Variants in DLG1 observed in about 807,000 individuals in gnomAD.
DLG1 encodes the protein discs large MAGUK scaffold protein 1, also known as disks large homolog 1.
In DLG1, 42 loss-of-function variants were observed where a neutral mutation model predicts 123.4. The observed-to-expected ratio is 0.34, with a 90% CI of 0.27 to 0.44. The LOEUF (loss-of-function observed/expected upper bound fraction) is 0.44, where lower values mean the gene tolerates loss of function less well. DLG1 is among the 20% of genes least tolerant of loss of function. The pLI is 1.00. For synonymous variants in DLG1, 317 were observed against 356.2 expected (o/e 0.89, Z 1.24); for missense variants, 942 against 1,082.6 (o/e 0.87, Z 1.82).
At chr3:197,066,586 T>A in intron 20 of DLG1, 118 bp downstream of exon 20, 1 of 599,472 alleles carries the variant, frequency 1.7e-6, no homozygotes, top group Non-Finnish European at 2.9e-6. Context: ...TTTCTACATG[T>A]ATATGTAGTA....
At chr3:197,045,783 G>A (rs950850124) in intron 24 of DLG1, among the ~76,000 whole-genome samples, 1 of 152,082 alleles carries the variant, frequency 6.6e-6, no homozygotes, top group Non-Finnish European at 1.5e-5. Context: ...TGAAATAATT[G>A]AGAATTGCAA....
intron 4 of DLG1, among the ~76,000 whole-genome samples, chr3:197,211,183 T>C (rs1439124895): frequency 2.7e-5 from 4 of 146,122 alleles, no homozygotes; most frequent in African/African-American, 9.7e-5. Context: ...ATAAAGGGCA[T>C]TTATGAAAAC....
At chr3:197,096,516 G>C (rs1008960019) in intron 14 of DLG1, among the ~76,000 whole-genome samples, 1 of 152,112 alleles carries the variant, frequency 6.6e-6, no homozygotes, top group South Asian at 2.1e-4. Flanking sequence ...CAGATGTGAG[G>C]TGTAGATTAA....
At chr3:197,130,026 G>C (rs925911778) in intron 11 of DLG1, among the ~76,000 whole-genome samples, 1 of 152,140 alleles carries the variant, frequency 6.6e-6, no homozygotes, top group East Asian at 1.9e-4. Context: ...CATGAAGTGA[G>C]AACATGTTGC....
At chr3:197,107,622 ACTT>A (rs1767314635) in intron 13 of DLG1, among the ~76,000 whole-genome samples, 2 of 151,914 alleles carry the variant, frequency 1.3e-5, no homozygotes, top group Non-Finnish European at 2.9e-5. Context: ...TTAAATTTAT[ACTT>A]AAGTATTTTA....
intron 4 of DLG1, among the ~76,000 whole-genome samples, chr3:197,234,880 T>C (rs1027723655): frequency 3.3e-5 from 5 of 152,112 alleles, no homozygotes; most frequent in Non-Finnish European, 7.4e-5. Flanking sequence ...AAAAGTTATG[T>C]TTTTTAAGGA....
Position 197,245,888 on chromosome 3 carries a change from C to CT in DLG1, c.318+36790dup, listed in dbSNP as rs753433108. On this transcript the variant is annotated intron_variant, in intron 4 of 24. Transcript: ENST00000667157. ...TTGATGTCCTGGGACATGGACAATA[C>CT]TTTTTTTTTTTTGGGGGGGGGGGAG... 1.0e-3 allele frequency among the ~76,000 whole-genome samples: 65 copies of CT among 63,404 alleles called. 2 individuals carry two copies. Among genetic ancestry groups the CT allele is most frequent in the African/African-American group, 2.6e-3 (41 of 15,928 alleles). The allele number at this position is 63,404 out of a possible 152,430, so 41.6% of individuals were successfully genotyped here. A position where few individuals can be genotyped will look rare whatever the true frequency, so the allele number is the denominator to read the frequency against.
In DLG1 at chr3:197,138,396, G is replaced by C; in HGVS notation, c.714-5C>G. 2 of 1,334,946 alleles carry C rather than the reference G, an allele frequency of 1.5e-6. No individual in the cohort carries two copies. Among genetic ancestry groups the C allele is most frequent in the Non-Finnish European group, 1.9e-6 (2 of 1,026,674 alleles). 82.7% of individuals were successfully genotyped at this position (1,334,946 alleles called of 1,614,324 possible). On this transcript the variant is annotated splice_polypyrimidine_tract_variant and splice_region_variant and intron_variant, in intron 8 of 24. Coordinates refer to ENST00000667157, the MANE Select transcript of DLG1 (RefSeq NM_001366207.1). ...CGTAATATACAGTCATTGACCCTGA[G>C]AAAACAATTAAATATTAAAAATAAA...
At chr3:197,226,155 G>A (rs1461023583) in intron 4 of DLG1, 2 of 152,122 alleles carry the variant, frequency 1.3e-5, no homozygotes, top group Non-Finnish European at 2.9e-5. Context: ...ACTATGATTG[G>A]AATTAAAATG....
At chr3:197,274,754 G>T (rs1185507057) in intron 4 of DLG1, among the ~76,000 whole-genome samples, 1 of 151,980 alleles carries the variant, frequency 6.6e-6, no homozygotes, top group African/African-American at 2.4e-5. Context: ...AATATATAAG[G>T]AGCAACAAAA....
At chr3:197,050,702 A>G (rs1726981166) in intron 24 of DLG1, among the ~76,000 whole-genome samples, 1 of 152,232 alleles carries the variant, frequency 6.6e-6, no homozygotes, top group Admixed American at 6.5e-5. Context: ...GAAAGGGCAC[A>G]AACTTTCAGT....
At chr3:197,068,783 G>C (rs1272577332) in intron 19 of DLG1, among the ~76,000 whole-genome samples, 1 of 152,018 alleles carries the variant, frequency 6.6e-6, no homozygotes. Flanking sequence ...CCAAGTGCTG[G>C]TGATAAACAA....
intron 11 of DLG1, among the ~76,000 whole-genome samples, chr3:197,121,535 G>A (rs932258231): frequency 6.6e-6 from 1 of 152,112 alleles, no homozygotes; most frequent in Admixed American, 6.5e-5. Context: ...ACATTTTAAT[G>A]TCGGCAGAGA....
chr3:197,207,085 C>T (rs1025976174), intron 4 of DLG1, among the ~76,000 whole-genome samples: 19 of 152,148 alleles, frequency 1.2e-4, no homozygotes, highest in Admixed American at 9.8e-4. Context: ...CTCTGTGATG[C>T]GGTGGCGGAG....
intron 3 of DLG1, among the ~76,000 whole-genome samples, chr3:197,292,279 A>G (rs1383311397): frequency 6.6e-6 from 1 of 152,244 alleles, no homozygotes; most frequent in Non-Finnish European, 1.5e-5. Context: ...AATATTATTC[A>G]GCCTGAAAAA....
chr3:197,206,036 C>T (rs569375718), intron 4 of DLG1, among the ~76,000 whole-genome samples: 65 of 152,174 alleles, frequency 4.3e-4, no homozygotes, highest in Non-Finnish European at 6.5e-4. Context: ...TTATTAAAAA[C>T]CTTATTTCCA....
intron 3 of DLG1, among the ~76,000 whole-genome samples, chr3:197,283,167 T>C (rs1770205302): frequency 6.6e-6 from 1 of 152,198 alleles, no homozygotes; most frequent in African/African-American, 2.4e-5. Flanking sequence ...GCACTGTGAA[T>C]TGTTTCAAGG....
intron 11 of DLG1, among the ~76,000 whole-genome samples, chr3:197,122,543 G>A (rs1328302443): frequency 6.6e-6 from 1 of 152,056 alleles, no homozygotes; most frequent in Non-Finnish European, 1.5e-5. Flanking sequence ...GGTTATATAC[G>A]TAGACGATCT....
intron 24 of DLG1, among the ~76,000 whole-genome samples, chr3:197,047,087 C>A (rs1042126844): frequency 1.1e-4 from 17 of 152,058 alleles, no homozygotes; most frequent in African/African-American, 3.9e-4. Context: ...ACAGAAAAAC[C>A]ATTTTTTTCC....
Sources: gnomAD v4.1 joint callset for allele counts (sites outside exome capture counted in the v4.1 genomes callset) on GRCh38, gnomAD v4.1.1 for gene constraint, MANE v1.5 for transcripts, NCBI Gene and HGNC (gene_info 2026-07-23, HGNC 2026-07-21) for gene names.